The following USP31 variants were observed in gnomAD, a reference collection of about 807,000 sequenced individuals.
The protein encoded by USP31 is ubiquitin specific peptidase 31.
A neutral mutation model predicts 119.4 loss-of-function variants in USP31; 44 were observed. The observed-to-expected ratio is 0.37, with a 90% CI of 0.29 to 0.47. USP31 has a LOEUF of 0.47. Ranked by LOEUF, USP31 falls within the 20% of genes least tolerant of loss-of-function variation. USP31 has a pLI of 0.99. For synonymous variants in USP31, 749 were observed against 705.6 expected (o/e 1.06, Z -0.97); for missense variants, 1,643 against 1,730.2 (o/e 0.95, Z 0.89).
In USP31 at chr16:23,068,614, C is replaced by G; in HGVS notation, c.3491G>C (p.Gly1164Ala). The change falls in exon 16 of 16, where the codon GGT (glycine) becomes GCT (alanine). Residue 1164 changes from glycine to alanine, a missense_variant. Around this residue, in one of 5 missense-constraint regions of USP31, gnomAD observed 699 missense variants for 650.9 expected, o/e 1.07. Coordinates refer to ENST00000219689, the MANE Select transcript of USP31 (RefSeq NM_020718.4). The stretch of plus-strand genomic sequence containing the variant: ...GGAGGTGGCGCTGGCTCTGTCAGAA[C>G]CCAAGCTTTGTCTGGAGCCCTCTCT... ...LSREGSRQSL[G>A]SDRASATSTS... The G allele has an allele frequency of 6.2e-7, 1 of 1,614,210 alleles. No individual in the cohort carries two copies. The highest frequency in any genetic ancestry group is 8.5e-7 in the Non-Finnish European group (1 of 1,180,046).
rs138301008 is a variant in USP31, at chr16:23,090,969, G to A, written c.1235-165C>T. On this transcript the variant is annotated intron_variant, in intron 6 of 15. Transcript: ENST00000219689. ...TCCTACTTAGATTACTCATCTAGCCGTTAGAGAATTTCTTTAGCATCCATT... is the reference window on the plus strand; with the variant it reads ...TCCTACTTAGATTACTCATCTAGCCATTAGAGAATTTCTTTAGCATCCATT... 3.7e-3 allele frequency among the ~76,000 whole-genome samples: 559 copies of A among 152,182 alleles called. 3 individuals are homozygous for A. Among genetic ancestry groups the A allele is most frequent in the Middle Eastern group, 0.014 (4 of 294 alleles).
At chr16:23,143,816 T>C (rs1903426626) in intron 1 of USP31, among the ~76,000 whole-genome samples, 1 of 151,946 alleles carries the variant, frequency 6.6e-6, no homozygotes, top group Admixed American at 6.6e-5. Context: ...CACATGCCAG[T>C]AGCACCCTGA....
intron 1 of USP31, among the ~76,000 whole-genome samples, chr16:23,117,285 GC>G (rs1902518753): frequency 6.6e-6 from 1 of 152,182 alleles, no homozygotes; most frequent in South Asian, 2.1e-4. Context: ...GATTTGCATA[GC>G]AAAGAATATC....
At chr16:23,075,768 A>C (rs1279528696) in intron 13 of USP31, among the ~76,000 whole-genome samples, 3 of 152,226 alleles carry the variant, frequency 2.0e-5, no homozygotes, top group African/African-American at 7.2e-5. Context: ...AGCTAGAAAC[A>C]GTGCAAAATA....
intron 13 of USP31, among the ~76,000 whole-genome samples, chr16:23,077,210 T>A (rs1040277687): frequency 2.6e-4 from 39 of 152,328 alleles, no homozygotes; most frequent in African/African-American, 8.4e-4. Flanking sequence ...GCAGAGGCAA[T>A]CCAAGCCATT....
intron 13 of USP31, among the ~76,000 whole-genome samples, chr16:23,075,669 A>C (rs1325115942): frequency 1.3e-5 from 2 of 152,250 alleles, no homozygotes; most frequent in Non-Finnish European, 2.9e-5. Context: ...TTTAAAGTAG[A>C]AAAAACCAAG....
intron 6 of USP31, 78 bp from the exon 7 acceptor site, chr16:23,090,882 C>T (rs964076093): frequency 3.8e-6 from 5 of 1,319,262 alleles, no homozygotes; most frequent in Admixed American, 2.9e-5. Flanking sequence ...ATTTACCCAA[C>T]AGAGAAAATT....
At chr16:23,103,354 T>C (rs936093583) in intron 5 of USP31, among the ~76,000 whole-genome samples, 1 of 152,164 alleles carries the variant, frequency 6.6e-6, no homozygotes, top group African/African-American at 2.4e-5. Flanking sequence ...AAATGTAGTA[T>C]AGCCTTACTG....
rs557525145 is a variant in USP31 at position 23,087,737 on chromosome 16, G to C, written c.1514C>G (p.Thr505Arg). The C allele has an allele frequency of 6.2e-7, 1 of 1,613,950 alleles. No homozygotes were observed. The highest frequency in any genetic ancestry group is 8.5e-7 in the Non-Finnish European group (1 of 1,179,950). Reference protein sequence around the residue: ...LEKMKYFLRPTVCIQVCPFSL... With the variant: ...LEKMKYFLRPRVCIQVCPFSL... ...ATGCTTACAAACCTGAATGCAAACC[G>C]TGGGCCTCAAGAAATACTTCATCTT... Residue 505 changes from threonine (T) to arginine (R), a missense_variant, in exon 8 of 16, where the codon ACG (threonine) becomes AGG (arginine). This residue lies in a region of USP31 where 219 missense variants were observed against 226.4 expected (regional missense o/e 0.97). Transcript: ENST00000219689.
intron 8 of USP31, 64 bp from the exon 9 acceptor site, chr16:23,087,250 G>C: frequency 7.0e-7 from 1 of 1,428,574 alleles, no homozygotes. Context: ...TTTCACAGTG[G>C]CATTTCCAAA....
intron 12 of USP31, 27 bp from the exon 13 acceptor site, chr16:23,080,198 G>A (rs1223347887): frequency 6.6e-7 from 1 of 1,522,254 alleles, no homozygotes; most frequent in Non-Finnish European, 8.8e-7. Flanking sequence ...AACAAGTTCT[G>A]GTGATATTTT....
intron 1 of USP31, among the ~76,000 whole-genome samples, chr16:23,128,018 G>A (rs528863843): frequency 3.3e-5 from 5 of 152,258 alleles, no homozygotes; most frequent in South Asian, 2.1e-4. Flanking sequence ...GAGAATTTAC[G>A]CTGGTGTTAC....
intron 1 of USP31, among the ~76,000 whole-genome samples, chr16:23,134,566 G>A (rs1409154047): frequency 1.3e-5 from 2 of 151,250 alleles, no homozygotes; most frequent in African/African-American, 4.9e-5. Flanking sequence ...TATACTACAC[G>A]AGATGGGAAA....
chr16:23,072,239 C>A, intron 14 of USP31, 42 bp from the exon 15 acceptor site: 1 of 1,575,738 alleles, frequency 6.3e-7, no homozygotes, highest in Admixed American at 1.8e-5. Flanking sequence ...GCTGGGGTCC[C>A]TCGGCCAGCC....
Position 23,091,069 on chromosome 16 carries a change from C to T in USP31, c.1235-265G>A, listed in dbSNP as rs113191864. On this transcript the variant is annotated intron_variant, in intron 6 of 15. Coordinates refer to ENST00000219689, the MANE Select transcript of USP31 (RefSeq NM_020718.4). ...ACTGCACTTCAGTGAAGGTTAGATA[C>T]AGTTTTAGAAGGGCATGTGTGCTGA... is the stretch of plus-strand genomic sequence containing the variant. 5.4e-3 allele frequency among the ~76,000 whole-genome samples: 823 copies of T among 152,198 alleles called. 5 individuals are homozygous for T. The highest frequency in any genetic ancestry group is 0.019 in the African/African-American group (774 of 41,512).
intron 1 of USP31, among the ~76,000 whole-genome samples, chr16:23,118,659 T>G (rs760982898): frequency 1.7e-4 from 26 of 152,208 alleles, no homozygotes; most frequent in Non-Finnish European, 3.7e-4. Flanking sequence ...CACTAGACAG[T>G]GAACAGGAAT....
At chr16:23,088,485 A>C (rs1901211867) in intron 7 of USP31, among the ~76,000 whole-genome samples, 1 of 152,172 alleles carries the variant, frequency 6.6e-6, no homozygotes, top group Admixed American at 6.5e-5. Context: ...GGTGGTTCTA[A>C]TATGCAGCCA....
At chr16:23,126,504 A>G (rs977991413) in intron 1 of USP31, among the ~76,000 whole-genome samples, 62 of 150,716 alleles carry the variant, frequency 4.1e-4, no homozygotes, top group Admixed American at 1.1e-3. Context: ...GCGGGCGCCT[A>G]TAATCCCAGC....
At position 23,068,330 on chromosome 16, in the gene USP31, CAG is replaced by C; in HGVS notation, c.3773_3774del (p.Ser1258CysfsTer2). 1 of 1,614,146 alleles carries C rather than the reference CAG, an allele frequency of 6.2e-7. No individual in the cohort carries two copies. Among genetic ancestry groups the C allele is most frequent in the Middle Eastern group, 1.6e-4 (1 of 6,062 alleles). On this transcript the variant is annotated frameshift_variant, in exon 16 of 16. Coordinates refer to ENST00000219689, the MANE Select transcript of USP31 (RefSeq NM_020718.4). LOFTEE classifies it high-confidence loss of function. ...CCGGTGTTCTTACAGACAGACTTAA[CAG>C]AGCTCCCACCAGCCTTTTTAGAGAG... Reference protein sequence around the residue: ...ALLSKKAGGSSVKSVCKNTGD... With the variant: ...ALLSKKAGGSXVKSVCKNTGD...
Sources: gnomAD v4.1 joint callset for allele counts (sites outside exome capture counted in the v4.1 genomes callset) on GRCh38, gnomAD v4.1.1 for gene constraint, gnomAD v4.1.1 regional missense constraint, MANE v1.5 for transcripts, NCBI Gene and HGNC (gene_info 2026-07-23, HGNC 2026-07-21) for gene names.